Variants in TENM2 observed in about 807,000 individuals in gnomAD.
TENM2 encodes the protein teneurin-2.
Under a neutral mutation model 245.2 loss-of-function variants are expected in TENM2, and 52 were observed. That is an observed-to-expected ratio of 0.21 (90% CI 0.17 to 0.27). The LOEUF (loss-of-function observed/expected upper bound fraction) is 0.27. Ranked by LOEUF, TENM2 falls within the 10% of genes least tolerant of loss-of-function variation. TENM2 has a pLI of 1.00. For missense variants in TENM2, 3,046 were observed against 3,666.8 expected (o/e 0.83, Z 4.37); for synonymous variants, 1,363 against 1,438.9 (o/e 0.95, Z 1.19).
chr5:167,584,275 G>A (rs1582456588), intron 2 of TENM2, among the ~76,000 whole-genome samples: 1 of 152,182 alleles, frequency 6.6e-6, no homozygotes, highest in Non-Finnish European at 1.5e-5. Context: ...AAGAGCACTG[G>A]TTCCAGAATT....
At chr5:167,915,403 T>C (rs1270163462) in intron 3 of TENM2, among the ~76,000 whole-genome samples, 1 of 152,184 alleles carries the variant, frequency 6.6e-6, no homozygotes, top group East Asian at 1.9e-4. Context: ...GTAAGGTGTC[T>C]GAATCCGTTC....
intron 2 of TENM2, among the ~76,000 whole-genome samples, chr5:167,402,359 A>T (rs1046622265): frequency 3.9e-5 from 6 of 152,164 alleles, no homozygotes; most frequent in Admixed American, 2.0e-4. Flanking sequence ...CAAATCCCTT[A>T]AACTGGCTCT....
chr5:167,337,094 G>A (rs889738587), intron 1 of TENM2, among the ~76,000 whole-genome samples: 1 of 128,272 alleles, frequency 7.8e-6, no homozygotes, highest in African/African-American at 2.9e-5. Flanking sequence ...TCCGCAGTCC[G>A]GCCTGGGCGA....
intron 3 of TENM2, among the ~76,000 whole-genome samples, chr5:167,903,547 G>A (rs565303676): frequency 7.5e-5 from 10 of 133,226 alleles, no homozygotes; most frequent in Non-Finnish European, 9.8e-5. Flanking sequence ...GTGGAGGGTG[G>A]AAGGGCTATT....
chr5:167,828,348 C>A (rs1035215834), intron 2 of TENM2, among the ~76,000 whole-genome samples: 5 of 152,176 alleles, frequency 3.3e-5, no homozygotes, highest in Non-Finnish European at 7.3e-5. Context: ...CCCCCAACCC[C>A]ATCCCCAGTT....
At chr5:167,343,337 G>A (rs1014882444) in intron 1 of TENM2, among the ~76,000 whole-genome samples, 2 of 152,136 alleles carry the variant, frequency 1.3e-5, no homozygotes, top group African/African-American at 4.8e-5. Context: ...TCTGGGTGCT[G>A]GATGTGCTCC....
chr5:167,235,812 T>A, the TENM2 span, among the ~76,000 whole-genome samples: 1 of 152,202 alleles, frequency 6.6e-6, no homozygotes, highest in East Asian at 1.9e-4. Flanking sequence ...AAACCAATAC[T>A]GTGATCAGAT....
chr5:167,217,174 ATGAGTT>A, the TENM2 span, among the ~76,000 whole-genome samples: 1 of 152,172 alleles, frequency 6.6e-6, no homozygotes, highest in Non-Finnish European at 1.5e-5. Context: ...AGAAAGAACC[ATGAGTT>A]CCTAATATAT....
At chr5:167,365,915 TATA>T (rs1760020841) in intron 1 of TENM2, among the ~76,000 whole-genome samples, 1 of 151,944 alleles carries the variant, frequency 6.6e-6, no homozygotes, top group Non-Finnish European at 1.5e-5. Flanking sequence ...ATGAAATGCT[TATA>T]ATAATAAAGA....
At chr5:168,259,574 C>A (rs1461154173) in intron 27 of TENM2, among the ~76,000 whole-genome samples, 1 of 151,970 alleles carries the variant, frequency 6.6e-6, no homozygotes, top group South Asian at 2.1e-4. Flanking sequence ...GGCAACAGAG[C>A]AAGACTCCAT....
At chr5:167,105,887 C>CA in the TENM2 span, among the ~76,000 whole-genome samples, 293 of 48,824 alleles carry the variant, frequency 6.0e-3, 53 homozygotes, top group African/African-American at 7.6e-3. Flanking sequence ...GACTCCGTCT[C>CA]AAAAAAAAAA....
chr5:167,769,577 G>A (rs912922419), intron 2 of TENM2, among the ~76,000 whole-genome samples: 15 of 152,080 alleles, frequency 9.9e-5, no homozygotes, highest in Non-Finnish European at 1.6e-4. Context: ...TATTCTTGCC[G>A]CAGGCTTTTC....
chr5:167,476,448 A>G (rs1767381876), intron 2 of TENM2, among the ~76,000 whole-genome samples: 1 of 152,194 alleles, frequency 6.6e-6, no homozygotes, highest in Admixed American at 6.5e-5. Context: ...ATATTTGTAA[A>G]TCACCATCAA....
the TENM2 span, among the ~76,000 whole-genome samples, chr5:166,994,806 G>A: frequency 6.6e-6 from 1 of 152,064 alleles, no homozygotes; most frequent in African/African-American, 2.4e-5. Context: ...TGGCCAATAT[G>A]GAACTGTCTG....
At chr5:167,881,603 T>G (rs759012262) in intron 3 of TENM2, among the ~76,000 whole-genome samples, 1 of 152,212 alleles carries the variant, frequency 6.6e-6, no homozygotes, top group Non-Finnish European at 1.5e-5. Flanking sequence ...ATAAGCCACT[T>G]TGACTCCAGG....
the TENM2 span, among the ~76,000 whole-genome samples, chr5:167,186,108 G>A: frequency 1.3e-5 from 2 of 152,036 alleles, no homozygotes; most frequent in African/African-American, 2.4e-5. Context: ...CCCAGAATGT[G>A]GCTTTTATGA....
chr5:167,314,490 G>A (rs76327657), intron 1 of TENM2, among the ~76,000 whole-genome samples: 1,823 of 152,138 alleles, frequency 0.012, 40 homozygotes, highest in African/African-American at 0.04. Flanking sequence ...TAAAAATAGG[G>A]CATTAAAGAG....
the TENM2 span, among the ~76,000 whole-genome samples, chr5:167,277,525 A>G: frequency 6.6e-6 from 1 of 152,104 alleles, no homozygotes; most frequent in Non-Finnish European, 1.5e-5. Context: ...TTTATGATCC[A>G]AGATATGGTT....
At chr5:167,445,348 G>GAC in intron 2 of TENM2, among the ~76,000 whole-genome samples, 1 of 125,946 alleles carries the variant, frequency 7.9e-6, no homozygotes, top group Admixed American at 8.2e-5. Context: ...GAGAGAGAGA[G>GAC]AGAGAGAGAG....
Sources: gnomAD v4.1 joint callset for allele counts (sites outside exome capture counted in the v4.1 genomes callset) on GRCh38, gnomAD v4.1.1 for gene constraint, MANE v1.5 for transcripts, NCBI Gene and HGNC (gene_info 2026-07-23, HGNC 2026-07-21) for gene names.